Variants in ATAD2 observed in about 807,000 individuals in gnomAD.
The protein encoded by ATAD2 is ATPase family AAA domain containing 2, also known as ATPase family AAA domain-containing protein 2.
ATAD2 carries 62 observed loss-of-function variants against 168.9 expected under a neutral mutation model. The observed-to-expected ratio is 0.37, with a 90% CI of 0.30 to 0.45. ATAD2 has a LOEUF of 0.45. Ranked by LOEUF, ATAD2 falls within the 20% of genes least tolerant of loss-of-function variation. The probability of loss-of-function intolerance (pLI) is 1.00; values close to 1 mark genes in which losing one functional copy is unlikely to be tolerated. For missense variants in ATAD2, 1,419 were observed against 1,667.8 expected, an observed-to-expected ratio of 0.85 and a Z score of 2.60; for synonymous variants, 613 against 571.6, an observed-to-expected ratio of 1.07 and a Z score of -1.03.
chr8:123,398,425 C>T (rs1812954020), upstream of ATAD2, among the ~76,000 whole-genome samples: 2 of 151,584 alleles, frequency 1.3e-5, no homozygotes, highest in South Asian at 4.2e-4. Flanking sequence ...GAGATGGGGT[C>T]TTACCATGCT....
At chr8:123,332,514 T>C (rs1563834373) in intron 24 of ATAD2, among the ~76,000 whole-genome samples, 3 of 152,240 alleles carry the variant, frequency 2.0e-5, no homozygotes, top group Admixed American at 6.5e-5. Context: ...AAATTTTAAA[T>C]ACATATTTTA....
At chr8:123,397,204 G>A (rs1377938238), upstream of ATAD2, among the ~76,000 whole-genome samples, 1 of 125,386 alleles carries the variant, frequency 8.0e-6, no homozygotes, top group African/African-American at 3.2e-5. Flanking sequence ...TCGTGCCACT[G>A]CACTCCAGCC....
chr8:123,403,819 T>G (rs1236605550), intron 1 of ATAD2, among the ~76,000 whole-genome samples: 1 of 152,152 alleles, frequency 6.6e-6, no homozygotes, highest in Non-Finnish European at 1.5e-5. Flanking sequence ...GGGGGATCTA[T>G]TTCAGATCAC....
At chr8:123,380,996 T>C in intron 1 of ATAD2, 1 of 224,328 alleles carries the variant, frequency 4.5e-6, no homozygotes, top group East Asian at 1.2e-4. Context: ...TAGTTTATTA[T>C]AGTAGGTACT....
rs1371445713 is a variant in ATAD2, at chr8:123,346,750, T to C, written c.2213A>G (p.Asp738Gly). The C allele has an allele frequency of 1.9e-6, 3 of 1,577,910 alleles. No individual in the cohort carries two copies. The highest frequency in any genetic ancestry group is 2.0e-5 in the Admixed American group (1 of 49,182). ...EFRTNKTLDS[D>G]ISCPLLESDL... Reference sequence around the variant, plus strand: ...ACTTTCTAGCAGAGGACAAGAAATATCTATAAAACCAAAAAATTGTACATT... The same window carrying C: ...ACTTTCTAGCAGAGGACAAGAAATACCTATAAAACCAAAAAATTGTACATT... Residue 738 changes from aspartate to glycine, a missense_variant and splice_region_variant, in exon 17 of 28, where the codon GAT becomes GGT. Physicochemically the swap from Asp to Gly is moderately conservative, Grantham distance 94 (BLOSUM62 -1). Coordinates refer to ENST00000287394, the MANE Select transcript of ATAD2 (RefSeq NM_014109.4).
At chr8:123,363,061 C>A (rs538264333) in intron 8 of ATAD2, among the ~76,000 whole-genome samples, 3 of 152,272 alleles carry the variant, frequency 2.0e-5, no homozygotes, top group African/African-American at 7.2e-5. Context: ...AACAAAGAGT[C>A]TGGTTGGGAA....
chr8:123,391,010 AAC>A (rs1253891759), intron 1 of ATAD2, among the ~76,000 whole-genome samples: 8 of 152,160 alleles, frequency 5.3e-5, no homozygotes, highest in South Asian at 2.1e-4. Context: ...ACAAAAGCAA[AAC>A]ACAGTCTCAA....
chr8:123,380,608 C>T lies in ATAD2; in HGVS notation c.241G>A (p.Ala81Thr). The change falls in exon 2 of 28, where the codon GCA becomes ACA. Residue 81 changes from alanine to threonine, a missense_variant. Physicochemically the swap from Ala to Thr is moderately conservative, Grantham distance 58 (BLOSUM62 0). Transcript: ENST00000287394. ...AAACTAGAATCTGAAGAATTCTGTG[C>T]ATCTTTTCTCAAAGATCTTAAAGCA... is the stretch of plus-strand genomic sequence containing the variant. ...TRALRSLRKD[A>T]QNSSDSSFEK... is the part of the protein sequence containing the mutation. 1 of 1,614,022 alleles carries T rather than the reference C, an allele frequency of 6.2e-7. No individual in the cohort carries two copies. Among genetic ancestry groups the T allele is most frequent in the South Asian group, 1.1e-5 (1 of 91,072 alleles).
intron 1 of ATAD2, among the ~76,000 whole-genome samples, chr8:123,392,131 T>C (rs533085348): frequency 5.9e-5 from 9 of 152,210 alleles, no homozygotes; most frequent in Admixed American, 5.2e-4. Flanking sequence ...GTAAGAACAA[T>C]CAACAACAAA....
At chr8:123,384,445 A>G (rs1217749090) in intron 1 of ATAD2, among the ~76,000 whole-genome samples, 1 of 152,214 alleles carries the variant, frequency 6.6e-6, no homozygotes, top group East Asian at 1.9e-4. Flanking sequence ...TAGATTTTTC[A>G]TGGTCATTGA....
intron 2 of ATAD2, among the ~76,000 whole-genome samples, chr8:123,375,257 A>G (rs1829271464): frequency 6.6e-6 from 1 of 152,186 alleles, no homozygotes; most frequent in African/African-American, 2.4e-5. Context: ...AAGACATACA[A>G]ATGGCCAATA....
intron 23 of ATAD2, 85 bp from the exon 24 acceptor site, chr8:123,334,106 T>A (rs1452769012): frequency 6.4e-7 from 1 of 1,554,228 alleles, no homozygotes; most frequent in African/African-American, 1.4e-5. Flanking sequence ...AAAATACATC[T>A]GAAGCATCCT....
At position 123,327,828 on chromosome 8, in the gene ATAD2, G is replaced by T. The variant is rs1025539886; in HGVS notation, c.3868+362C>A. Reference sequence around the variant, plus strand: ...GCAGACTCTTATCTTGCTTAAAAATGAAAGGGTATCATATACTTTAGTTTG... The same window carrying T: ...GCAGACTCTTATCTTGCTTAAAAATTAAAGGGTATCATATACTTTAGTTTG... On this transcript the variant is annotated intron_variant, in intron 25 of 27. Coordinates refer to ENST00000287394, the MANE Select transcript of ATAD2 (RefSeq NM_014109.4). 5.9e-5 allele frequency among the ~76,000 whole-genome samples: 9 copies of T among 152,276 alleles called. No individual in the cohort carries two copies. The East Asian group carries it at 1.4e-3, about 23-fold the overall frequency.
At chr8:123,346,467 T>A in intron 17 of ATAD2, 151 bp downstream of exon 17, 1 of 968,218 alleles carries the variant, frequency 1.0e-6, no homozygotes, top group Non-Finnish European at 1.5e-6. Context: ...TAATTTCTAC[T>A]GTTGTGACAA....
At chr8:123,411,882 A>G (rs910382345) in intron 1 of ATAD2, among the ~76,000 whole-genome samples, 1 of 152,192 alleles carries the variant, frequency 6.6e-6, no homozygotes, top group Non-Finnish European at 1.5e-5. Context: ...ATCTCTCAGT[A>G]TGCATTCTCC....
intron 9 of ATAD2, among the ~76,000 whole-genome samples, chr8:123,361,316 C>CAAAA (rs60766157): frequency 9.8e-6 from 1 of 102,510 alleles, no homozygotes. Context: ...GGCCCTGTCT[C>CAAAA]AAAAAAAAAA....
At position 123,370,038 on chromosome 8, in the gene ATAD2, A is replaced by C; in HGVS notation, c.728-14T>G. 1 of 1,597,298 alleles carries C rather than the reference A, an allele frequency of 6.3e-7. No individual in the cohort carries two copies. The highest frequency in any genetic ancestry group is 8.5e-7 in the Non-Finnish European group (1 of 1,170,920). On this transcript the variant is annotated splice_polypyrimidine_tract_variant and intron_variant, in intron 6 of 27. Transcript: ENST00000287394. ...CTTCAGATGACTCTACAATTAAGAG[A>C]TCCTTACTTCCAGAAAGATACTCAG...
At chr8:123,353,712 T>C (rs992042522) in intron 13 of ATAD2, among the ~76,000 whole-genome samples, 12 of 152,198 alleles carry the variant, frequency 7.9e-5, no homozygotes, top group Non-Finnish European at 1.8e-4. Flanking sequence ...TGCTACTGGA[T>C]TGTGATTGCT....
Position 123,356,211 on chromosome 8 carries a change from T to C in ATAD2, c.1646+178A>G, listed in dbSNP as rs1012758870. On this transcript the variant is annotated intron_variant, in intron 13 of 27. Coordinates refer to ENST00000287394, the MANE Select transcript of ATAD2 (RefSeq NM_014109.4). ...TCCCAAAGTGCCAGGAATACAGGTA[T>C]GAGCCACTGCAACCATCCACATTTT... 1.3e-5 allele frequency: 5 copies of C among 371,190 alleles called. No individual in the cohort carries two copies. The Admixed American group carries it at 2.2e-4, about 16-fold the overall frequency. The allele number at this position is 371,190 out of a possible 1,614,324, so 23.0% of individuals were successfully genotyped here.
Sources: allele counts gnomAD v4.1 joint callset (sites outside exome capture counted in the v4.1 genomes callset), GRCh38; gene constraint gnomAD v4.1.1; transcripts MANE v1.5; gene names NCBI Gene and HGNC (gene_info 2026-07-23, HGNC 2026-07-21).